Variants in OLA1 observed in about 807,000 individuals in gnomAD.
OLA1 encodes obg-like ATPase 1.
In OLA1, 14 loss-of-function variants were observed where a neutral mutation model predicts 48.4. That is an observed-to-expected ratio of 0.29 (90% confidence interval 0.19 to 0.45). The LOEUF (loss-of-function observed/expected upper bound fraction) is 0.45, where lower values mean the gene tolerates loss of function less well. OLA1 is among the 20% of genes least tolerant of loss of function. The pLI, the probability that OLA1 is intolerant of heterozygous loss-of-function variation, is 1.00. For missense variants in OLA1, 325 were observed against 467.1 expected, an observed-to-expected ratio of 0.70 and a Z score of 2.80; for synonymous variants, 127 against 150.4, an observed-to-expected ratio of 0.84 and a Z score of 1.14.
At chr2:174,082,104 T>C (rs1684869489) in intron 7 of OLA1, 40 bp from the exon 8 acceptor site, 4 of 1,602,642 alleles carry the variant, frequency 2.5e-6, no homozygotes, top group African/African-American at 2.7e-5. Context: ...TTGTAGTGCA[T>C]GCATGACTGT....
At chr2:174,155,888 A>G (rs1237580784) in intron 4 of OLA1, among the ~76,000 whole-genome samples, 1 of 152,166 alleles carries the variant, frequency 6.6e-6, no homozygotes, top group Non-Finnish European at 1.5e-5. Flanking sequence ...AGCAGGATGG[A>G]AGTATAACAG....
chr2:174,222,975 A>T, intron 4 of OLA1, 58 bp downstream of exon 4: 1 of 1,519,016 alleles, frequency 6.6e-7, no homozygotes, highest in Non-Finnish European at 8.9e-7. Flanking sequence ...TTGTGCACTA[A>T]TGGAAAGAAA....
rs192553322 is a variant in OLA1 at position 174,130,949 on chromosome 2, A to T, written c.550-7274T>A. On this transcript the variant is annotated intron_variant, in intron 5 of 10. Transcript: ENST00000284719. Reference sequence around the variant, plus strand: ...GTGAGGTTAGAAAAAAATGGATGAGATATATCTAGAGAGTTGATAAAAGTA... The same window carrying T: ...GTGAGGTTAGAAAAAAATGGATGAGTTATATCTAGAGAGTTGATAAAAGTA... 5.9e-5 allele frequency among the ~76,000 whole-genome samples: 9 copies of T among 152,328 alleles called. No individual in the cohort carries two copies. The East Asian group carries it at 1.5e-3, about 26-fold the overall frequency.
At chr2:174,116,253 G>T (rs1406557060) in intron 7 of OLA1, among the ~76,000 whole-genome samples, 1 of 152,150 alleles carries the variant, frequency 6.6e-6, no homozygotes, top group East Asian at 1.9e-4. Context: ...TTTAAAACTG[G>T]TCGTAAAAAT....
At chr2:174,234,722 G>A (rs2099726) in intron 2 of OLA1, among the ~76,000 whole-genome samples, 2,912 of 151,870 alleles carry the variant, frequency 0.019, 74 homozygotes, top group African/African-American at 0.055. Context: ...CTTCAGCCTC[G>A]TAAAGTGCTG....
At chr2:174,087,278 G>A (rs1467118004) in intron 7 of OLA1, among the ~76,000 whole-genome samples, 1 of 151,818 alleles carries the variant, frequency 6.6e-6, no homozygotes, top group East Asian at 1.9e-4. Flanking sequence ...CACCCGCCTC[G>A]GCCTCCCAAA....
intron 7 of OLA1, among the ~76,000 whole-genome samples, chr2:174,114,048 G>A (rs189654395): frequency 3.8e-4 from 58 of 151,788 alleles, no homozygotes; most frequent in South Asian, 1.7e-3. Context: ...AGCTAAATCG[G>A]CCGGGCGCGG....
At chr2:174,079,243 C>A (rs1298709821) in intron 9 of OLA1, 153 bp from the exon 10 acceptor site, 1 of 551,456 alleles carries the variant, frequency 1.8e-6, no homozygotes, top group Non-Finnish European at 3.1e-6. Context: ...ATTTTCAACA[C>A]TGGGTAGTAT....
intron 2 of OLA1, 106 bp from the exon 3 acceptor site, chr2:174,229,557 C>A: frequency 1.3e-6 from 1 of 771,836 alleles, no homozygotes; most frequent in Non-Finnish European, 2.1e-6. Flanking sequence ...GAATATAAAA[C>A]CAATCTACAA....
At chr2:174,204,641 G>A (rs1160031402) in intron 4 of OLA1, among the ~76,000 whole-genome samples, 3 of 151,768 alleles carry the variant, frequency 2.0e-5, no homozygotes, top group Admixed American at 6.6e-5. Flanking sequence ...ATGATAAATC[G>A]TACACCATTG....
intron 4 of OLA1, among the ~76,000 whole-genome samples, chr2:174,181,634 A>ACAT (rs148033037): frequency 0.062 from 9,506 of 152,134 alleles, 342 homozygotes; most frequent in Middle Eastern, 0.13. Flanking sequence ...ATGCAAGTGG[A>ACAT]TGTAGGGTGA....
intron 7 of OLA1, among the ~76,000 whole-genome samples, chr2:174,094,254 T>C (rs902999897): frequency 1.3e-5 from 2 of 152,136 alleles, no homozygotes; most frequent in Admixed American, 6.6e-5. Flanking sequence ...GACTCTTACA[T>C]GGAAAAAGAC....
intron 5 of OLA1, among the ~76,000 whole-genome samples, chr2:174,125,631 A>T (rs546084051): frequency 2.6e-4 from 40 of 152,234 alleles, no homozygotes; most frequent in Non-Finnish European, 4.3e-4. Flanking sequence ...AGCCTCAATA[A>T]GTGCTGATCA....
Position 174,074,056 on chromosome 2 carries a change from GC to G in OLA1, c.*1369del, listed in dbSNP as rs2105334668. On this transcript the variant is annotated 3_prime_UTR_variant, in exon 11 of 11. Transcript: ENST00000284719. ...ATCCTCTTTAAATATCTTAAGTATA[GC>G]CAAATCTTTAAAAAATCACCCCTTT... 6.6e-6 allele frequency: 1 copy of G among 152,194 alleles called. No homozygotes were observed. Among genetic ancestry groups the G allele is most frequent in the South Asian group, 2.1e-4 (1 of 4,828 alleles). 9.4% of individuals were successfully genotyped at this position (152,194 alleles called of 1,614,324 possible).
chr2:174,225,789 A>C (rs1452499064), intron 3 of OLA1, among the ~76,000 whole-genome samples: 1 of 152,198 alleles, frequency 6.6e-6, no homozygotes, highest in East Asian at 1.9e-4. Context: ...GGTTGACATA[A>C]CTATAAGTGT....
rs924188346 is a variant in OLA1, at chr2:174,243,289, C to T, written c.101+3426G>A. ...AAACAATACAAAAATTAACCAGGCA[C>T]GGTGTTTTGTGTGCCTGCAGTTCCA... On this transcript the variant is annotated intron_variant, in intron 2 of 10. Transcript: ENST00000284719. Among the ~76,000 whole-genome samples, 5 of 152,124 alleles carry T rather than the reference C, an allele frequency of 3.3e-5. 1 individual carries two copies. Among genetic ancestry groups the T allele is most frequent in the Admixed American group, 6.5e-5 (1 of 15,268 alleles).
chr2:174,202,022 A>T (rs569335703), intron 4 of OLA1, among the ~76,000 whole-genome samples: 1 of 152,332 alleles, frequency 6.6e-6, no homozygotes, highest in South Asian at 2.1e-4. Flanking sequence ...CATATTTTTA[A>T]ATTTTTGAAG....
chr2:174,129,495 A>G (rs1191670836), intron 5 of OLA1, among the ~76,000 whole-genome samples: 1 of 149,946 alleles, frequency 6.7e-6, no homozygotes, highest in Non-Finnish European at 1.5e-5. Flanking sequence ...AAATAAATAA[A>G]TAAATAATAT....
chr2:174,123,738 TAA>T (rs1339205233), intron 5 of OLA1, 63 bp from the exon 6 acceptor site: 1 of 811,624 alleles, frequency 1.2e-6, no homozygotes, highest in Non-Finnish European at 1.8e-6. Flanking sequence ...TACTAAATAT[TAA>T]AAAGTTTTCA....
Sources: allele counts gnomAD v4.1 joint callset (sites outside exome capture counted in the v4.1 genomes callset), GRCh38; gene constraint gnomAD v4.1.1; transcripts MANE v1.5; gene names NCBI Gene and HGNC (gene_info 2026-07-23, HGNC 2026-07-21).